Variants in OR1B1 observed in about 807,000 individuals in gnomAD.
OR1B1 encodes the protein olfactory receptor family 1 subfamily B member 1.
For synonymous variants in OR1B1, 168 were observed against 156.2 expected (o/e 1.08, Z -0.57); for missense variants, 414 against 402.1 (o/e 1.03, Z -0.25).
chr9:122,634,245 A>G (rs1400660505), upstream of OR1B1, among the ~76,000 whole-genome samples: 2 of 151,760 alleles, frequency 1.3e-5, no homozygotes, highest in South Asian at 2.1e-4. Flanking sequence ...CTGAGGCAGG[A>G]GAATCGCTTG....
the OR1B1 span, among the ~76,000 whole-genome samples, chr9:122,645,975 C>G: frequency 1.3e-5 from 2 of 152,010 alleles, no homozygotes; most frequent in African/African-American, 4.8e-5. Context: ...ATAATAACAA[C>G]AACAACTTTT....
chr9:122,630,327 T>C (rs7854941), upstream of OR1B1, among the ~76,000 whole-genome samples: 16,919 of 152,272 alleles, frequency 0.11, 1,292 homozygotes, highest in East Asian at 0.35. Context: ...AATAGCATTA[T>C]CATTATCATC....
the OR1B1 span, among the ~76,000 whole-genome samples, chr9:122,645,509 A>T: frequency 6.6e-6 from 1 of 152,174 alleles, no homozygotes; most frequent in African/African-American, 2.4e-5. Flanking sequence ...TCCAAAGGCC[A>T]AGGATAAAAA....
chr9:122,637,839 G>A, the OR1B1 span, among the ~76,000 whole-genome samples: 1 of 152,140 alleles, frequency 6.6e-6, no homozygotes, highest in Non-Finnish European at 1.5e-5. Context: ...TACAGATACA[G>A]AAATGGACAG....
At chr9:122,638,734 C>T in the OR1B1 span, among the ~76,000 whole-genome samples, 1,298 of 152,294 alleles carry the variant, frequency 8.5e-3, 21 homozygotes, top group African/African-American at 0.03. Context: ...TGACCCCAGG[C>T]AGGACCCATG....
the OR1B1 span, among the ~76,000 whole-genome samples, chr9:122,645,329 A>G: frequency 6.6e-6 from 1 of 152,118 alleles, no homozygotes; most frequent in Non-Finnish European, 1.5e-5. Context: ...TTTTGCTCTT[A>G]AAGAGGAGGT....
At chr9:122,653,644 AC>A in the OR1B1 span, among the ~76,000 whole-genome samples, 1 of 152,044 alleles carries the variant, frequency 6.6e-6, no homozygotes, top group South Asian at 2.1e-4. Flanking sequence ...TTAAACACCC[AC>A]CATAGCACTT....
At chr9:122,652,883 T>C in the OR1B1 span, among the ~76,000 whole-genome samples, 1 of 152,334 alleles carries the variant, frequency 6.6e-6, no homozygotes, top group African/African-American at 2.4e-5. Context: ...TCTTACGGAA[T>C]GTAGCTCTCC....
At chr9:122,632,984 C>T (rs1313278238), upstream of OR1B1, among the ~76,000 whole-genome samples, 1 of 152,122 alleles carries the variant, frequency 6.6e-6, no homozygotes, top group African/African-American at 2.4e-5. Context: ...TGGCGGCAGA[C>T]AAGAGAGCTT....
At position 122,629,044 on chromosome 9, in the gene OR1B1, G is replaced by A. The variant is rs76652301; in HGVS notation, c.492C>T (p.Leu164=). The A allele has an allele frequency of 3.2e-5, 51 of 1,613,970 alleles. No individual in the cohort carries two copies. The East Asian group carries it at 9.6e-4, about 30-fold the overall frequency. The change falls in exon 1 of 1, where the codon CTC becomes CTT. Residue 164 remains leucine (L), a synonymous_variant. Coordinates refer to ENST00000623530, the Ensembl canonical transcript of OR1B1. Reference sequence around the variant, plus strand: ...CCCCAGTCCAGCAAAGAGGCAGGACGAGTCCCACACGCAACATGGTGTGCA... The same window carrying A: ...CCCCAGTCCAGCAAAGAGGCAGGACAAGTCCCACACGCAACATGGTGTGCA...
downstream of OR1B1, chr9:122,628,548 C>A (rs1255336000): frequency 7.0e-7 from 1 of 1,423,692 alleles, no homozygotes; most frequent in Non-Finnish European, 9.8e-7. Flanking sequence ...TGACTTTTCT[C>A]ACCTATTCAA....
At chr9:122,629,712 A>C (rs1830187603), upstream of OR1B1, 3 of 525,630 alleles carry the variant, frequency 5.7e-6, no homozygotes, top group Non-Finnish European at 3.3e-6. Context: ...TCGCTTCCTT[A>C]ATATGTATTT....
At chr9:122,638,105 G>A in the OR1B1 span, among the ~76,000 whole-genome samples, 1,070 of 152,238 alleles carry the variant, frequency 7.0e-3, 13 homozygotes, top group African/African-American at 0.025. Context: ...ATATAAAGTT[G>A]TAAAACATGC....
At chr9:122,643,217 G>A in the OR1B1 span, among the ~76,000 whole-genome samples, 1 of 152,168 alleles carries the variant, frequency 6.6e-6, no homozygotes, top group Non-Finnish European at 1.5e-5. Flanking sequence ...AGAAGGGCAG[G>A]ACAGTCTTGA....
upstream of OR1B1, among the ~76,000 whole-genome samples, chr9:122,631,914 G>C (rs1314017414): frequency 5.9e-5 from 9 of 152,006 alleles, no homozygotes; most frequent in African/African-American, 2.2e-4. Flanking sequence ...TTATGGATCT[G>C]TACCACATAA....
chr9:122,635,125 A>G, the OR1B1 span, among the ~76,000 whole-genome samples: 2 of 152,206 alleles, frequency 1.3e-5, no homozygotes, highest in Non-Finnish European at 2.9e-5. Flanking sequence ...TATGGAAACA[A>G]CCTAAGTGTC....
chr9:122,640,468 A>T, the OR1B1 span, among the ~76,000 whole-genome samples: 2 of 152,168 alleles, frequency 1.3e-5, no homozygotes, highest in Admixed American at 1.3e-4. Flanking sequence ...TAGTCGAAGG[A>T]TCCAGAGAGA....
the OR1B1 span, among the ~76,000 whole-genome samples, chr9:122,635,446 T>C: frequency 1.2e-4 from 18 of 152,300 alleles, no homozygotes; most frequent in African/African-American, 3.6e-4. Flanking sequence ...AGGTATACTG[T>C]ACAGCAAGAA....
the OR1B1 span, among the ~76,000 whole-genome samples, chr9:122,654,163 T>C: frequency 6.6e-6 from 1 of 152,134 alleles, no homozygotes; most frequent in Admixed American, 6.5e-5. Context: ...GAGCTTCCAT[T>C]GTAGCTAGGA....
Sources: allele counts gnomAD v4.1 joint callset (sites outside exome capture counted in the v4.1 genomes callset), GRCh38; gene constraint gnomAD v4.1.1; transcripts MANE v1.5; gene names NCBI Gene and HGNC (gene_info 2026-07-23, HGNC 2026-07-21).